The following WDR44 variants were observed in gnomAD, a reference collection of about 807,000 sequenced individuals.
WDR44 encodes the protein WD repeat domain 44.
In WDR44, 9 loss-of-function variants were observed where a neutral mutation model predicts 65.7. The observed-to-expected ratio is 0.14, with a 90% CI of 0.08 to 0.24. WDR44 has a LOEUF of 0.24. WDR44 is among the 10% of genes least tolerant of loss of function. WDR44 has a pLI of 1.00. For missense variants in WDR44, 425 were observed against 670.9 expected, an observed-to-expected ratio of 0.63 and a Z score of 4.05; for synonymous variants, 220 against 235.2, an observed-to-expected ratio of 0.94 and a Z score of 0.59.
chrX:118,417,665 G>A (rs995189578), intron 12 of WDR44, among the ~76,000 whole-genome samples: 5 of 111,897 alleles, frequency 4.5e-5, no homozygotes, highest in Admixed American at 1.9e-4. Flanking sequence ...GTGCCTACGC[G>A]ATGATCATTT....
At position 118,414,294 on chromosome X, in the gene WDR44, G is replaced by GT. The variant is rs1170499531; in HGVS notation, c.1737+3346dup. On this transcript the variant is annotated intron_variant, in intron 12 of 19. Coordinates refer to ENST00000254029, the MANE Select transcript of WDR44 (RefSeq NM_019045.5). ...TTTTTTTTATGTTCCATGGTTTTGT[G>GT]TTTTTTTTTTTCCATTACTGGATAT... Among the ~76,000 whole-genome samples the GT allele has an allele frequency of 3.3e-3, 256 of 76,907 alleles. 1 individual carries two copies. The highest frequency in any genetic ancestry group is 5.2e-3 in the Non-Finnish European group (203 of 38,754). 66.8% of individuals were successfully genotyped at this position (76,907 alleles called of 115,157 possible).
At chrX:118,347,185 G>A (rs1373875801) in intron 1 of WDR44, among the ~76,000 whole-genome samples, 1 of 111,708 alleles carries the variant, frequency 9.0e-6, no homozygotes, top group Non-Finnish European at 1.9e-5. Flanking sequence ...CTTATCGTGA[G>A]GTAAAGGAAA....
chrX:118,396,518 G>A (rs921637853), intron 6 of WDR44, among the ~76,000 whole-genome samples: 1 of 111,964 alleles, frequency 8.9e-6, no homozygotes, highest in African/African-American at 3.2e-5. Context: ...GCTACAACAT[G>A]GATAAACCTT....
At chrX:118,409,651 C>T (rs754659443) in intron 11 of WDR44, 24 bp downstream of exon 11, 3 of 1,153,116 alleles carry the variant, frequency 2.6e-6, no homozygotes, top group South Asian at 4.1e-5. Context: ...ATTTAAAAAT[C>T]TACAGAAACC....
chrX:118,353,438 G>C (rs2056431888), intron 1 of WDR44, among the ~76,000 whole-genome samples: 1 of 111,794 alleles, frequency 8.9e-6, no homozygotes, highest in South Asian at 3.7e-4. Flanking sequence ...ATATAATCAG[G>C]TTCTGCCAGA....
At chrX:118,400,785 C>A (rs1162465648) in intron 8 of WDR44, among the ~76,000 whole-genome samples, 18 of 105,518 alleles carry the variant, frequency 1.7e-4, no homozygotes, top group Non-Finnish European at 3.5e-4. Flanking sequence ...CGTCATCTAG[C>A]ATTAGGTATA....
intron 13 of WDR44, among the ~76,000 whole-genome samples, chrX:118,436,168 T>G (rs5956059): frequency 2.7e-5 from 3 of 111,851 alleles, no homozygotes; most frequent in Non-Finnish European, 5.6e-5. Flanking sequence ...TCTGAAAGAT[T>G]TGACAATTTC....
At chrX:118,410,523 A>G (rs5956976) in intron 11 of WDR44, among the ~76,000 whole-genome samples, 17,451 of 110,907 alleles carry the variant, frequency 0.16, 2,485 homozygotes, top group African/African-American at 0.44. Context: ...CTGCCCTGCC[A>G]AGAGCAAAAA....
At chrX:118,390,505 A>G (rs984836172) in intron 3 of WDR44, among the ~76,000 whole-genome samples, 7 of 112,017 alleles carry the variant, frequency 6.2e-5, no homozygotes, top group African/African-American at 2.3e-4. Context: ...AACAGTAAGA[A>G]TAATAATAGA....
chrX:118,439,309 C>T (rs1433997447), intron 14 of WDR44, among the ~76,000 whole-genome samples: 1 of 108,580 alleles, frequency 9.2e-6, no homozygotes, highest in Non-Finnish European at 1.9e-5. Flanking sequence ...GGCGTGGTGG[C>T]TCATGTCTGT....
At chrX:118,448,836 C>A in intron 19 of WDR44, 57 bp from the exon 20 acceptor site, 1 of 826,104 alleles carries the variant, frequency 1.2e-6, no homozygotes, top group Non-Finnish European at 1.7e-6. Flanking sequence ...ATAATTGTGG[C>A]AGCAGGCTTC....
intron 19 of WDR44, among the ~76,000 whole-genome samples, chrX:118,446,487 A>G (rs2057347738): frequency 8.9e-6 from 1 of 111,835 alleles, no homozygotes. Flanking sequence ...GTATTGTCTC[A>G]TGCTACAGAT....
chrX:118,370,286 T>C (rs1282462888), intron 1 of WDR44, among the ~76,000 whole-genome samples: 2 of 111,669 alleles, frequency 1.8e-5, no homozygotes, highest in African/African-American at 3.3e-5. Flanking sequence ...CCAATTCTTA[T>C]GTTGAAATGT....
chrX:118,402,990 G>C (rs1425422511), intron 8 of WDR44, among the ~76,000 whole-genome samples: 1 of 111,505 alleles, frequency 9.0e-6, no homozygotes, highest in African/African-American at 3.3e-5. Flanking sequence ...ACCAGACTCT[G>C]TATCTACTGT....
chrX:118,375,242 G>T (rs1360050402), intron 1 of WDR44, among the ~76,000 whole-genome samples: 5 of 110,775 alleles, frequency 4.5e-5, no homozygotes, highest in African/African-American at 1.6e-4. Context: ...CTCAAGGTGT[G>T]AGGGTTGCTG....
chrX:118,416,987 G>A (rs1041478837), intron 12 of WDR44, among the ~76,000 whole-genome samples: 1 of 111,639 alleles, frequency 9.0e-6, no homozygotes, highest in African/African-American at 3.3e-5. Flanking sequence ...AGTTTGTTTT[G>A]TCTGATATAA....
chrX:118,381,450 T>C (rs1331870468), intron 2 of WDR44, among the ~76,000 whole-genome samples: 2 of 110,936 alleles, frequency 1.8e-5, no homozygotes, highest in Admixed American at 1.9e-4. Context: ...CCCTGGACGA[T>C]AGAGTGAGAC....
intron 12 of WDR44, among the ~76,000 whole-genome samples, chrX:118,418,361 G>C (rs2057075250): frequency 9.0e-6 from 1 of 111,512 alleles, no homozygotes; most frequent in South Asian, 3.8e-4. Flanking sequence ...AGATTCGTTT[G>C]TCCCACTGGG....
At position 118,377,988 on chromosome X, in the gene WDR44, G is replaced by A. The variant is rs191434792; in HGVS notation, c.78-431G>A. Among the ~76,000 whole-genome samples, 305 of 109,496 alleles carry A rather than the reference G, an allele frequency of 2.8e-3. 2 individuals carry two copies. Among genetic ancestry groups the A allele is most frequent in the African/African-American group, 9.8e-3 (294 of 30,073 alleles). The stretch of plus-strand genomic sequence containing the variant: ...CTTTTTCTTTTTGAGATGGAGTCTC[G>A]CTCTGTCACCAGGGCTGGGGTGCAG... On this transcript the variant is annotated intron_variant, in intron 1 of 19. Transcript: ENST00000254029.
Sources: gnomAD v4.1 joint callset for allele counts (sites outside exome capture counted in the v4.1 genomes callset) on GRCh38, gnomAD v4.1.1 for gene constraint, MANE v1.5 for transcripts, NCBI Gene and HGNC (gene_info 2026-07-23, HGNC 2026-07-21) for gene names.